The following CACNB2 variants were observed in gnomAD, a reference collection of about 807,000 sequenced individuals.
CACNB2 encodes the protein calcium voltage-gated channel auxiliary subunit beta 2.
A neutral mutation model predicts 73.3 loss-of-function variants in CACNB2; 42 were observed. The ratio of observed to expected loss-of-function variants is 0.57; its 90% CI spans 0.45 to 0.74. The LOEUF (loss-of-function observed/expected upper bound fraction) is 0.74. Among genes scored for constraint, CACNB2 ranks in the 30% least tolerant of loss-of-function variants. CACNB2 has a pLI of 0.00. For synonymous variants in CACNB2, 348 were observed against 310.3 expected (o/e 1.12, Z -1.28); for missense variants, 940 against 853.0 (o/e 1.10, Z -1.27).
At chr10:18,459,338 C>A (rs557083954) in intron 3 of CACNB2, among the ~76,000 whole-genome samples, 75 of 152,256 alleles carry the variant, frequency 4.9e-4, no homozygotes, top group African/African-American at 1.7e-3. Flanking sequence ...TCCTTTGGAA[C>A]AATTTTGAAG....
chr10:18,176,078 G>A lies in CACNB2; in HGVS notation c.213+25103G>A, dbSNP rs534972590. ...TCTGAATGCAGCCTGTTATACATGA[G>A]AATATTTCATTCCTAGTATCATTTC... On this transcript the variant is annotated intron_variant, in intron 2 of 13. Transcript: ENST00000324631. Among the ~76,000 whole-genome samples, 8 of 152,312 alleles carry A rather than the reference G, an allele frequency of 5.3e-5. No homozygotes were observed. The South Asian group carries it at 1.7e-3, about 32-fold the overall frequency.
At chr10:18,282,358 A>G (rs2038590605) in intron 2 of CACNB2, among the ~76,000 whole-genome samples, 1 of 152,144 alleles carries the variant, frequency 6.6e-6, no homozygotes, top group Non-Finnish European at 1.5e-5. Flanking sequence ...TCTGCTGCAA[A>G]TCTCTTTCAG....
chr10:18,458,946 GTA>G (rs2047422609), intron 3 of CACNB2, among the ~76,000 whole-genome samples: 1 of 150,854 alleles, frequency 6.6e-6, no homozygotes, highest in Non-Finnish European at 1.5e-5. Flanking sequence ...TTGCATTTTT[GTA>G]GAGATGGGTT....
chr10:18,149,079 A>G (rs2031272761), intron 1 of CACNB2, among the ~76,000 whole-genome samples: 2 of 151,994 alleles, frequency 1.3e-5, no homozygotes, highest in South Asian at 2.1e-4. Context: ...CCTCATGAGG[A>G]TAAACGGTGA....
chr10:18,362,548 A>G (rs2042184219), intron 2 of CACNB2, among the ~76,000 whole-genome samples: 1 of 152,222 alleles, frequency 6.6e-6, no homozygotes, highest in Non-Finnish European at 1.5e-5. Context: ...AAATCTTTTA[A>G]GTATAAGAAA....
chr10:18,285,883 A>G (rs2038766352), intron 2 of CACNB2, among the ~76,000 whole-genome samples: 1 of 152,236 alleles, frequency 6.6e-6, no homozygotes, highest in African/African-American at 2.4e-5. Context: ...TGAAATTCTT[A>G]AGTGTATTGT....
At chr10:18,224,185 T>G (rs1326154923) in intron 2 of CACNB2, 1 of 152,170 alleles carries the variant, frequency 6.6e-6, no homozygotes, top group Non-Finnish European at 1.5e-5. Context: ...CTGTTTCTTG[T>G]CTTTTTTGGC....
At chr10:18,170,536 AGTCATGT>A (rs2033152667) in intron 2 of CACNB2, among the ~76,000 whole-genome samples, 1 of 152,222 alleles carries the variant, frequency 6.6e-6, no homozygotes. Flanking sequence ...ATGCATTCAG[AGTCATGT>A]GTACTGCCTC....
rs1314560602 is a variant in CACNB2, at chr10:18,541,920, C to G, written c.*2196C>G. On this transcript the variant is annotated 3_prime_UTR_variant, in exon 14 of 14. Coordinates refer to ENST00000324631, the MANE Select transcript of CACNB2 (RefSeq NM_201596.3). ...CTATCCAGCAAAATTATAAAATCTACTTTGTTTTGCTTCCTTGATTATTCC... is the reference window on the plus strand; with the variant it reads ...CTATCCAGCAAAATTATAAAATCTAGTTTGTTTTGCTTCCTTGATTATTCC... 1 of 152,056 alleles carries G rather than the reference C, an allele frequency of 6.6e-6. No individual in the cohort carries two copies. Among genetic ancestry groups the G allele is most frequent in the East Asian group, 1.9e-4 (1 of 5,168 alleles). 9.4% of individuals were successfully genotyped at this position (152,056 alleles called of 1,614,324 possible). A position where few individuals can be genotyped will look rare whatever the true frequency, so the allele number is the denominator to read the frequency against.
intron 3 of CACNB2, among the ~76,000 whole-genome samples, chr10:18,458,660 AT>A (rs35081966): frequency 2.0e-5 from 3 of 151,632 alleles, no homozygotes; most frequent in Non-Finnish European, 4.4e-5. Flanking sequence ...TAAAATCAAG[AT>A]TTTTTTTCAC....
intron 2 of CACNB2, among the ~76,000 whole-genome samples, chr10:18,379,662 C>T (rs1360565188): frequency 1.3e-5 from 2 of 152,136 alleles, no homozygotes; most frequent in East Asian, 1.9e-4. Context: ...ATTCTCACCA[C>T]TCCCCAGCCC....
chr10:18,419,841 G>C (rs1285540726), intron 3 of CACNB2, among the ~76,000 whole-genome samples: 1 of 152,178 alleles, frequency 6.6e-6, no homozygotes, highest in African/African-American at 2.4e-5. Context: ...GATCAGCTGT[G>C]ACAGGCTATT....
intron 2 of CACNB2, among the ~76,000 whole-genome samples, chr10:18,315,672 T>TGCTA (rs146664318): frequency 0.013 from 2,016 of 151,936 alleles, 50 homozygotes; most frequent in African/African-American, 0.045. Context: ...CCAACCTGTG[T>TGCTA]GCTAGAGTAG....
intron 3 of CACNB2, among the ~76,000 whole-genome samples, chr10:18,475,846 C>G (rs1180546403): frequency 2.0e-5 from 3 of 152,140 alleles, no homozygotes; most frequent in Non-Finnish European, 2.9e-5. Flanking sequence ...GGTTTAGGTA[C>G]ACGGTCCAGT....
intron 6 of CACNB2, among the ~76,000 whole-genome samples, chr10:18,513,885 T>C (rs1333746538): frequency 1.3e-5 from 2 of 152,230 alleles, no homozygotes; most frequent in African/African-American, 4.8e-5. Flanking sequence ...TAAGATATTG[T>C]AATGAAGTCA....
intron 3 of CACNB2, among the ~76,000 whole-genome samples, chr10:18,440,534 G>T (rs1167090712): frequency 6.6e-6 from 1 of 152,070 alleles, no homozygotes; most frequent in East Asian, 1.9e-4. Context: ...TGGCATGGTG[G>T]TCCACATCTG....
chr10:18,369,072 C>T (rs144821904), intron 2 of CACNB2, among the ~76,000 whole-genome samples: 42 of 152,134 alleles, frequency 2.8e-4, no homozygotes, highest in African/African-American at 8.7e-4. Flanking sequence ...TGTTTAAAAG[C>T]CCTGTAAACC....
chr10:18,454,910 C>G (rs147374108), intron 3 of CACNB2, among the ~76,000 whole-genome samples: 80 of 152,214 alleles, frequency 5.3e-4, no homozygotes, highest in African/African-American at 1.9e-3. Context: ...GACGTGATAG[C>G]AGGCACCTGT....
intron 2 of CACNB2, among the ~76,000 whole-genome samples, chr10:18,165,939 CA>C (rs2032821950): frequency 6.6e-6 from 1 of 152,116 alleles, no homozygotes; most frequent in East Asian, 1.9e-4. Context: ...TTTCTGGGTC[CA>C]AAATATTGTG....
Sources: gnomAD v4.1 joint callset for allele counts (sites outside exome capture counted in the v4.1 genomes callset) on GRCh38, gnomAD v4.1.1 for gene constraint, MANE v1.5 for transcripts, NCBI Gene and HGNC (gene_info 2026-07-23, HGNC 2026-07-21) for gene names.